BRAF: variants seen among roughly 807,000 people sequenced by gnomAD.
BRAF encodes serine/threonine-protein kinase B-raf.
A neutral mutation model predicts 104.6 loss-of-function variants in BRAF; 16 were observed. That is an observed-to-expected ratio of 0.15 (90% CI 0.10 to 0.23). The LOEUF is 0.23. BRAF is among the 10% of genes least tolerant of loss of function. BRAF has a pLI of 1.00. For synonymous variants in BRAF, 310 were observed against 341.6 expected (o/e 0.91, Z 1.02); for missense variants, 541 against 937.3 (o/e 0.58, Z 5.52).
At chr7:140,848,025 A>AT (rs1296994151) in intron 2 of BRAF, among the ~76,000 whole-genome samples, 8 of 152,250 alleles carry the variant, frequency 5.3e-5, no homozygotes, top group Non-Finnish European at 7.3e-5. Flanking sequence ...GGTCTGATGT[A>AT]TGCTGTCCTA....
intron 7 of BRAF, 125 bp from the exon 8 acceptor site, chr7:140,794,592 C>T: frequency 8.6e-7 from 1 of 1,157,346 alleles, no homozygotes; most frequent in South Asian, 1.4e-5. Context: ...GCATTAAAAA[C>T]CTAGCAGTAA....
intron 14 of BRAF, among the ~76,000 whole-genome samples, chr7:140,759,073 C>T (rs1417411168): frequency 6.6e-6 from 1 of 152,238 alleles, no homozygotes; most frequent in Non-Finnish European, 1.5e-5. Context: ...GCACTGGCTG[C>T]ATGCAGTGTT....
At chr7:140,823,892 T>G (rs1423313872) in intron 3 of BRAF, 1 of 152,226 alleles carries the variant, frequency 6.6e-6, no homozygotes, top group Non-Finnish European at 1.5e-5. Flanking sequence ...TGGTTTTGAT[T>G]TGCATGTTCC....
rs117044637 is a variant in BRAF, at chr7:140,777,806, C to T, written c.1637+185G>A. Among the ~76,000 whole-genome samples the T allele has an allele frequency of 0.017, 2,588 of 152,186 alleles. 52 individuals carry two copies. Among genetic ancestry groups the T allele is most frequent in the Non-Finnish European group, 0.025 (1,667 of 67,996 alleles). ...GGACTAAGTATTCTATCAGCCATAC[C>T]ATATAACATTGCATACTACTTAAAA... On this transcript the variant is annotated intron_variant, in intron 13 of 19. Transcript: ENST00000644969.
At chr7:140,868,792 C>T (rs1230073379) in intron 1 of BRAF, among the ~76,000 whole-genome samples, 1 of 152,090 alleles carries the variant, frequency 6.6e-6, no homozygotes, top group East Asian at 1.9e-4. Context: ...TAAAGTATTA[C>T]TCTGGCTGCT....
chr7:140,920,603 G>T (rs1818110292), intron 1 of BRAF, among the ~76,000 whole-genome samples: 1 of 152,164 alleles, frequency 6.6e-6, no homozygotes. Context: ...AATCAAGTTT[G>T]CACTCACATT....
rs1795370863 is a variant in BRAF, at chr7:140,722,560, T to G, written c.*3934A>C. 9.5e-7 allele frequency: 1 copy of G among 1,056,232 alleles called. No homozygotes were observed. The highest frequency in any genetic ancestry group is 1.1e-6 in the Non-Finnish European group (1 of 873,728). 65.4% of individuals were successfully genotyped at this position (1,056,232 alleles called of 1,614,324 possible). On this transcript the variant is annotated 3_prime_UTR_variant, in exon 20 of 20. Transcript: ENST00000644969. ...AACCTTCCATCTCTGGCTATGGTGTTTATAGCCTAATGGTTGGAATCTGCT... is the reference window on the plus strand; with the variant it reads ...AACCTTCCATCTCTGGCTATGGTGTGTATAGCCTAATGGTTGGAATCTGCT...
chr7:140,798,558 C>A (rs1002419008), intron 7 of BRAF, among the ~76,000 whole-genome samples: 2 of 142,640 alleles, frequency 1.4e-5, no homozygotes, highest in African/African-American at 5.3e-5. Flanking sequence ...CCGCGCCCGG[C>A]CTTTTTTTTT....
intron 1 of BRAF, among the ~76,000 whole-genome samples, chr7:140,854,454 T>C (rs761715648): frequency 6.6e-6 from 1 of 152,118 alleles, no homozygotes; most frequent in African/African-American, 2.4e-5. Flanking sequence ...GATTCTTTCT[T>C]AGGTCCAGTA....
chr7:140,844,612 AAG>A (rs1808349752), intron 2 of BRAF, among the ~76,000 whole-genome samples: 1 of 152,210 alleles, frequency 6.6e-6, no homozygotes, highest in Non-Finnish European at 1.5e-5. Flanking sequence ...TACTTGTAGA[AAG>A]AGAAACATCC....
rs78396163 is a variant in BRAF, at chr7:140,792,094, C to A, written c.1140+2214G>T. On this transcript the variant is annotated intron_variant, in intron 8 of 19. Coordinates refer to ENST00000644969, the MANE Select transcript of BRAF (RefSeq NM_001374258.1). Reference sequence around the variant, plus strand: ...GTAATAAGTATTCATAAATAGTAGTCATTTTCAACATGATTCCTAAGACTC... The same window carrying A: ...GTAATAAGTATTCATAAATAGTAGTAATTTTCAACATGATTCCTAAGACTC... Among the ~76,000 whole-genome samples the A allele has an allele frequency of 7.6e-3, 1,164 of 152,276 alleles. 18 individuals carry two copies. Among genetic ancestry groups the A allele is most frequent in the African/African-American group, 0.026 (1,100 of 41,578 alleles).
intron 1 of BRAF, among the ~76,000 whole-genome samples, chr7:140,869,009 A>G (rs1811273835): frequency 6.6e-6 from 1 of 152,228 alleles, no homozygotes; most frequent in Non-Finnish European, 1.5e-5. Flanking sequence ...CCTCGACTCT[A>G]CAGTTTATAA....
chr7:140,746,374 G>C (rs532269723), intron 17 of BRAF, among the ~76,000 whole-genome samples: 25 of 152,046 alleles, frequency 1.6e-4, no homozygotes, highest in Non-Finnish European at 2.6e-4. Flanking sequence ...TAAAGAGAGT[G>C]GGGGGATGAC....
intron 17 of BRAF, chr7:140,747,409 G>A: frequency 7.8e-7 from 1 of 1,288,238 alleles, no homozygotes; most frequent in Non-Finnish European, 1.0e-6. Flanking sequence ...GTAAGCCCTT[G>A]CCACATCATT....
At position 140,721,326 on chromosome 7, in the gene BRAF, T is replaced by C; in HGVS notation, c.*5168A>G. 1 of 1,191,706 alleles carries C rather than the reference T, an allele frequency of 8.4e-7. No individual in the cohort carries two copies. The highest frequency in any genetic ancestry group is 1.0e-6 in the Non-Finnish European group (1 of 963,728). The allele number at this position is 1,191,706 out of a possible 1,614,324, so 73.8% of individuals were successfully genotyped here. A position where few individuals can be genotyped will look rare whatever the true frequency, so the allele number is the denominator to read the frequency against. ...TTTTTTTAAAGCACTGTTACCTTAA[T>C]TTAAGATTTTAGGAGTTGGGTTTCT... On this transcript the variant is annotated 3_prime_UTR_variant, in exon 20 of 20. Transcript: ENST00000644969.
At chr7:140,782,939 A>G in intron 11 of BRAF, 82 bp downstream of exon 10, 1 of 1,497,098 alleles carries the variant, frequency 6.7e-7, no homozygotes, top group Non-Finnish European at 9.2e-7. Flanking sequence ...TGGACATAAT[A>G]TATCTAAAGG....
At chr7:140,849,823 A>C (rs1282130068) in intron 2 of BRAF, among the ~76,000 whole-genome samples, 1 of 151,960 alleles carries the variant, frequency 6.6e-6, no homozygotes, top group African/African-American at 2.4e-5. Flanking sequence ...AAAAAAAATA[A>C]ATAAATAAAA....
intron 17 of BRAF, among the ~76,000 whole-genome samples, chr7:140,743,178 A>G (rs1215311528): frequency 9.3e-5 from 14 of 150,498 alleles, no homozygotes; most frequent in Non-Finnish European, 1.3e-4. Flanking sequence ...TTCCTCAGGG[A>G]TCTAGAACTA....
intron 17 of BRAF, 38 bp downstream of exon 16, chr7:140,749,249 G>A (rs2128994156): frequency 1.2e-6 from 2 of 1,609,120 alleles, no homozygotes; most frequent in Non-Finnish European, 1.7e-6. Context: ...CTTGTATATA[G>A]ACGGTAAAAT....
Sources: allele counts gnomAD v4.1 joint callset (sites outside exome capture counted in the v4.1 genomes callset), GRCh38; gene constraint gnomAD v4.1.1; transcripts MANE v1.5; gene names NCBI Gene and HGNC (gene_info 2026-07-23, HGNC 2026-07-21).